The following VPS13B variants were observed in gnomAD, a reference collection of about 807,000 sequenced individuals.
VPS13B encodes intermembrane lipid transfer protein VPS13B.
A neutral mutation model predicts 426.4 loss-of-function variants in VPS13B; 285 were observed. The ratio of observed to expected loss-of-function variants is 0.67; its 90% CI spans 0.61 to 0.74. The LOEUF (loss-of-function observed/expected upper bound fraction) is 0.74. Ranked by LOEUF, VPS13B falls within the 30% of genes least tolerant of loss-of-function variation. The pLI, the probability that VPS13B is intolerant of heterozygous loss-of-function variation, is 0.00. For missense variants in VPS13B, 4,537 were observed against 4,782.6 expected (o/e 0.95, Z 1.51); for synonymous variants, 1,676 against 1,676.4 (o/e 1.00, Z 0.01).
chr8:99,133,528 A>G (rs1234975284), intron 8 of VPS13B, among the ~76,000 whole-genome samples: 1 of 152,168 alleles, frequency 6.6e-6, no homozygotes, highest in Non-Finnish European at 1.5e-5. Flanking sequence ...CAAGATGCCT[A>G]TGTTTTGGCC....
At chr8:99,686,584 C>T (rs1223091969) in intron 35 of VPS13B, among the ~76,000 whole-genome samples, 1 of 151,912 alleles carries the variant, frequency 6.6e-6, no homozygotes, top group East Asian at 1.9e-4. Flanking sequence ...AAGTCCTTCC[C>T]ACTCCTCCCT....
intron 17 of VPS13B, among the ~76,000 whole-genome samples, chr8:99,223,181 A>G (rs903143056): frequency 6.6e-6 from 1 of 152,214 alleles, no homozygotes; most frequent in Non-Finnish European, 1.5e-5. Context: ...TTTAGAAATT[A>G]TTTATTTTAC....
intron 33 of VPS13B, among the ~76,000 whole-genome samples, chr8:99,634,045 TA>T (rs1401767972): frequency 6.6e-6 from 1 of 151,930 alleles, no homozygotes; most frequent in Admixed American, 6.6e-5. Context: ...TGCCTGGAAC[TA>T]ATTATTTTTT....
At chr8:99,357,488 A>G (rs1002068479) in intron 19 of VPS13B, among the ~76,000 whole-genome samples, 1 of 152,168 alleles carries the variant, frequency 6.6e-6, no homozygotes, top group African/African-American at 2.4e-5. Flanking sequence ...CTCTTTTCAT[A>G]GCATCTGTCC....
intron 21 of VPS13B, among the ~76,000 whole-genome samples, chr8:99,426,180 G>A (rs1427035175): frequency 6.8e-6 from 1 of 147,418 alleles, no homozygotes; most frequent in Non-Finnish European, 1.5e-5. Flanking sequence ...TTTTGTTCTT[G>A]CGATAGTTTA....
chr8:99,850,942 A>C (rs1284975218), intron 55 of VPS13B, among the ~76,000 whole-genome samples: 3 of 152,172 alleles, frequency 2.0e-5, no homozygotes, highest in Non-Finnish European at 4.4e-5. Context: ...AAAACAAAAC[A>C]AAACAACAAC....
chr8:99,190,582 T>C (rs1813508787), intron 16 of VPS13B, among the ~76,000 whole-genome samples: 1 of 152,150 alleles, frequency 6.6e-6, no homozygotes, highest in Non-Finnish European at 1.5e-5. Context: ...TAGTTTTACC[T>C]TTTAGTTTTA....
chr8:99,522,864 G>C (rs891379105), intron 30 of VPS13B, among the ~76,000 whole-genome samples: 1 of 152,062 alleles, frequency 6.6e-6, no homozygotes, highest in African/African-American at 2.4e-5. Context: ...CTGTATCATC[G>C]ATATCAAAGG....
At chr8:99,432,447 C>T (rs1817164315) in intron 22 of VPS13B, among the ~76,000 whole-genome samples, 1 of 152,080 alleles carries the variant, frequency 6.6e-6, no homozygotes, top group Non-Finnish European at 1.5e-5. Flanking sequence ...CCATAGAGAT[C>T]TGAGGTCTTA....
chr8:99,690,852 T>C (rs966231322), intron 35 of VPS13B, among the ~76,000 whole-genome samples: 6 of 152,214 alleles, frequency 3.9e-5, no homozygotes, highest in South Asian at 2.1e-4. Context: ...CAAATATGTC[T>C]TAGCAGTTCC....
At chr8:99,288,452 C>T (rs1819558056) in intron 19 of VPS13B, among the ~76,000 whole-genome samples, 1 of 151,976 alleles carries the variant, frequency 6.6e-6, no homozygotes, top group Non-Finnish European at 1.5e-5. Context: ...ACATAGCATT[C>T]TTGCACACTT....
At position 99,767,707 on chromosome 8, in the gene VPS13B, C is replaced by G. The variant is rs185198242; in HGVS notation, c.7247+737C>G. On this transcript the variant is annotated intron_variant, in intron 40 of 61. Transcript: ENST00000357162. ...ACTTTGGAAGGCTAAGGCGGGTAGACTGCTTGAGCCCATGAGTTTGAGATC... is the reference window on the plus strand; with the variant it reads ...ACTTTGGAAGGCTAAGGCGGGTAGAGTGCTTGAGCCCATGAGTTTGAGATC... Among the ~76,000 whole-genome samples the G allele has an allele frequency of 1.3e-3, 193 of 152,118 alleles. 2 individuals are homozygous for G. Among genetic ancestry groups the G allele is most frequent in the African/African-American group, 4.4e-3 (181 of 41,520 alleles).
intron 43 of VPS13B, among the ~76,000 whole-genome samples, chr8:99,786,187 T>A (rs1175831501): frequency 6.6e-6 from 1 of 152,130 alleles, no homozygotes; most frequent in African/African-American, 2.4e-5. Context: ...CAGGAAAGAA[T>A]GAATAGACAA....
intron 13 of VPS13B, among the ~76,000 whole-genome samples, chr8:99,145,276 A>G (rs1023281498): frequency 6.6e-6 from 1 of 152,202 alleles, no homozygotes; most frequent in Admixed American, 6.5e-5. Flanking sequence ...TTTTCATTTT[A>G]AAAAATTTAG....
At position 99,577,477 on chromosome 8, in the gene VPS13B, G is replaced by C; in HGVS notation, c.5077-13G>C. 1.2e-6 allele frequency: 2 copies of C among 1,613,486 alleles called. No individual in the cohort carries two copies. The highest frequency in any genetic ancestry group is 1.7e-6 in the Non-Finnish European group (2 of 1,179,542). ...CATGTTTCTTTATCTGTATTCTACC[G>C]TTTTTGCTTCAGGAGATTTTAGTGT... On this transcript the variant is annotated splice_polypyrimidine_tract_variant and intron_variant, in intron 32 of 61. Transcript: ENST00000357162.
chr8:99,080,072 T>C (rs1215063896), intron 3 of VPS13B, among the ~76,000 whole-genome samples: 1 of 150,812 alleles, frequency 6.6e-6, no homozygotes. Context: ...ATATAAATTA[T>C]ATATAACATT....
chr8:99,725,250 G>A (rs1444557828), intron 39 of VPS13B, among the ~76,000 whole-genome samples: 1 of 152,184 alleles, frequency 6.6e-6, no homozygotes, highest in East Asian at 1.9e-4. Flanking sequence ...GGAAGAGGTT[G>A]TATCTAATTT....
At chr8:99,218,889 G>A (rs919986896) in intron 17 of VPS13B, among the ~76,000 whole-genome samples, 6 of 152,116 alleles carry the variant, frequency 3.9e-5, no homozygotes, top group Admixed American at 6.5e-5. Flanking sequence ...AGAAACAGTC[G>A]TTTGCTTTTT....
chr8:99,136,626 T>G, intron 11 of VPS13B, 39 bp from the exon 12 acceptor site: 1 of 1,608,412 alleles, frequency 6.2e-7, no homozygotes, highest in East Asian at 2.2e-5. Flanking sequence ...AAGTTTCTTT[T>G]ATACAATGTT....
Sources: gnomAD v4.1 joint callset for allele counts (sites outside exome capture counted in the v4.1 genomes callset) on GRCh38, gnomAD v4.1.1 for gene constraint, MANE v1.5 for transcripts, NCBI Gene and HGNC (gene_info 2026-07-23, HGNC 2026-07-21) for gene names.